MNAT1: variants seen among roughly 807,000 people sequenced by gnomAD.
MNAT1 encodes the protein MNAT1 component of CDK activating kinase, also known as CDK-activating kinase assembly factor MAT1.
Under a neutral mutation model 42.0 loss-of-function variants are expected in MNAT1, and 43 were observed. The ratio of observed to expected loss-of-function variants is 1.02; its 90% CI spans 0.80 to 1.32. MNAT1 has a LOEUF of 1.32. Among genes scored for constraint, MNAT1 ranks in the 40% most tolerant of loss-of-function variants. The pLI, the probability that MNAT1 is intolerant of heterozygous loss-of-function variation, is 0.00. For missense variants in MNAT1, 306 were observed against 350.4 expected (o/e 0.87, Z 1.01); for synonymous variants, 118 against 120.0 (o/e 0.98, Z 0.11).
intron 7 of MNAT1, among the ~76,000 whole-genome samples, chr14:60,925,082 T>TG (rs2035738932): frequency 6.6e-6 from 1 of 152,200 alleles, no homozygotes; most frequent in Non-Finnish European, 1.5e-5. Flanking sequence ...TGAAAGTATT[T>TG]GGGGAGAAAA....
intron 1 of MNAT1, among the ~76,000 whole-genome samples, chr14:60,775,594 A>G (rs908633289): frequency 1.3e-5 from 2 of 152,234 alleles, no homozygotes; most frequent in Non-Finnish European, 1.5e-5. Context: ...TTATAAAAGT[A>G]AAATACTTGA....
chr14:60,927,057 G>A (rs2035782979), intron 7 of MNAT1, among the ~76,000 whole-genome samples: 1 of 152,176 alleles, frequency 6.6e-6, no homozygotes, highest in African/African-American at 2.4e-5. Context: ...CCCTGTGCCA[G>A]GGACTGTGGG....
intron 1 of MNAT1, among the ~76,000 whole-genome samples, chr14:60,742,677 G>A (rs115847724): frequency 0.011 from 1,698 of 152,146 alleles, 31 homozygotes; most frequent in African/African-American, 0.039. Context: ...ATAGCACTAG[G>A]CAACCAGTTA....
At chr14:60,908,529 G>A (rs1213597137) in intron 7 of MNAT1, among the ~76,000 whole-genome samples, 1 of 150,106 alleles carries the variant, frequency 6.7e-6, no homozygotes, top group African/African-American at 2.5e-5. Context: ...GTGTCCATGT[G>A]TTCTCATTGT....
intron 1 of MNAT1, among the ~76,000 whole-genome samples, chr14:60,744,999 G>T (rs1896573777): frequency 6.6e-6 from 1 of 152,062 alleles, no homozygotes; most frequent in African/African-American, 2.4e-5. Context: ...CTATTTCTTG[G>T]CCAAGGATTT....
intron 4 of MNAT1, 114 bp downstream of exon 4, chr14:60,808,542 A>T: frequency 3.1e-6 from 2 of 650,120 alleles, no homozygotes; most frequent in Non-Finnish European, 5.1e-6. Context: ...ATTTAGCTGA[A>T]ATTTAGACCA....
intron 6 of MNAT1, among the ~76,000 whole-genome samples, chr14:60,831,755 T>C (rs1290839270): frequency 1.3e-5 from 2 of 152,248 alleles, no homozygotes; most frequent in African/African-American, 4.8e-5. Context: ...ATTGCCACAC[T>C]GTCTTCCATA....
chr14:60,833,421 A>G (rs2033282042), intron 6 of MNAT1, among the ~76,000 whole-genome samples: 1 of 152,202 alleles, frequency 6.6e-6, no homozygotes, highest in South Asian at 2.1e-4. Context: ...CCTTTTCTGC[A>G]TCTATTGAGA....
intron 3 of MNAT1, among the ~76,000 whole-genome samples, chr14:60,803,323 G>T (rs2032269011): frequency 6.6e-6 from 1 of 152,176 alleles, no homozygotes; most frequent in South Asian, 2.1e-4. Flanking sequence ...TGTGATATCT[G>T]TATTATTTGT....
chr14:60,780,614 ATGTAAT>A (rs1321879075), intron 1 of MNAT1: 3 of 1,314,236 alleles, frequency 2.3e-6, no homozygotes, highest in South Asian at 1.3e-5. Flanking sequence ...TGAGGAAATA[ATGTAAT>A]TGTAATTTTG....
chr14:60,763,263 G>A (rs965793400), intron 1 of MNAT1, among the ~76,000 whole-genome samples: 54 of 152,110 alleles, frequency 3.6e-4, no homozygotes, highest in Admixed American at 4.6e-4. Flanking sequence ...AATGGCCATT[G>A]CTGCATTGCT....
chr14:60,904,134 G>A (rs1250936579), intron 7 of MNAT1, among the ~76,000 whole-genome samples: 1 of 152,160 alleles, frequency 6.6e-6, no homozygotes, highest in Non-Finnish European at 1.5e-5. Flanking sequence ...GCCTCCCAAA[G>A]TGCTGGGATT....
intron 1 of MNAT1, among the ~76,000 whole-genome samples, chr14:60,758,422 C>G (rs1594729686): frequency 6.6e-6 from 1 of 151,842 alleles, no homozygotes; most frequent in Admixed American, 6.6e-5. Flanking sequence ...AGGTTGGTCT[C>G]GAACTCCTGG....
intron 1 of MNAT1, among the ~76,000 whole-genome samples, chr14:60,750,434 G>A (rs1352216568): frequency 6.7e-6 from 1 of 149,386 alleles, no homozygotes; most frequent in Non-Finnish European, 1.5e-5. Context: ...GTTTCACCAT[G>A]TTAGCCAGGA....
chr14:60,927,228 T>G (rs1197838817), intron 7 of MNAT1, among the ~76,000 whole-genome samples: 2 of 152,206 alleles, frequency 1.3e-5, no homozygotes, highest in Non-Finnish European at 2.9e-5. Flanking sequence ...TAAAAGGCAC[T>G]CAGCCTGGGA....
intron 7 of MNAT1, among the ~76,000 whole-genome samples, chr14:60,956,717 T>G (rs2036493807): frequency 1.3e-5 from 2 of 152,252 alleles, no homozygotes; most frequent in African/African-American, 2.4e-5. Context: ...TGTTATATCC[T>G]CTTGATTAAT....
intron 1 of MNAT1, among the ~76,000 whole-genome samples, chr14:60,759,968 G>C (rs2030528038): frequency 6.6e-6 from 1 of 152,138 alleles, no homozygotes; most frequent in South Asian, 2.1e-4. Flanking sequence ...TATGGAAGTA[G>C]GTCTTCTGAT....
At chr14:60,853,528 A>G (rs2033879299) in intron 6 of MNAT1, among the ~76,000 whole-genome samples, 1 of 151,966 alleles carries the variant, frequency 6.6e-6, no homozygotes, top group Non-Finnish European at 1.5e-5. Flanking sequence ...CTATTCAAAT[A>G]CTCTTTATTT....
chr14:60,746,913 TATATATATATACACACAC>T (rs1321032978), intron 1 of MNAT1, among the ~76,000 whole-genome samples: 2 of 26,300 alleles, frequency 7.6e-5, no homozygotes, highest in East Asian at 1.5e-3. Flanking sequence ...TATATATATA[TATATATATATACACACAC>T]ACACACACAC....
Sources: allele counts gnomAD v4.1 joint callset (sites outside exome capture counted in the v4.1 genomes callset), GRCh38; gene constraint gnomAD v4.1.1; transcripts MANE v1.5; gene names NCBI Gene and HGNC (gene_info 2026-07-23, HGNC 2026-07-21).